TRABD2B: variants seen among roughly 807,000 people sequenced by gnomAD.
TRABD2B encodes metalloprotease TIKI2.
Under a neutral mutation model 40.1 loss-of-function variants are expected in TRABD2B, and 14 were observed. The ratio of observed to expected loss-of-function variants is 0.35; its 90% CI spans 0.23 to 0.55. The LOEUF (loss-of-function observed/expected upper bound fraction) is 0.55, where lower values mean the gene tolerates loss of function less well. Ranked by LOEUF, TRABD2B falls within the 20% of genes least tolerant of loss-of-function variation. The pLI, the probability that TRABD2B is intolerant of heterozygous loss-of-function variation, is 0.90. For synonymous variants in TRABD2B, 263 were observed against 277.0 expected, an observed-to-expected ratio of 0.95 and a Z score of 0.50; for missense variants, 541 against 648.6, an observed-to-expected ratio of 0.83 and a Z score of 1.80.
intron 2 of TRABD2B, among the ~76,000 whole-genome samples, chr1:47,989,757 C>T (rs1557698822): frequency 6.6e-6 from 1 of 151,594 alleles, no homozygotes; most frequent in African/African-American, 2.4e-5. Flanking sequence ...CCAACACACA[C>T]ACACACACAC....
chr1:47,979,036 G>A lies in TRABD2B; in HGVS notation c.666+14998C>T, dbSNP rs184574742. Among the ~76,000 whole-genome samples the A allele has an allele frequency of 1.2e-3, 182 of 152,136 alleles. 1 individual carries two copies. The highest frequency in any genetic ancestry group is 4.0e-3 in the African/African-American group (166 of 41,502). ...GGAGGATCAGGGGGATGCTACAGCC[G>A]CACCAGGAGTCGGTCAGAGCACGAG... is the stretch of plus-strand genomic sequence containing the variant. On this transcript the variant is annotated intron_variant, in intron 2 of 6. Coordinates refer to ENST00000606738, the MANE Select transcript of TRABD2B (RefSeq NM_001194986.2).
chr1:47,796,207 G>C (rs1287440938), intron 3 of TRABD2B, among the ~76,000 whole-genome samples: 1 of 152,130 alleles, frequency 6.6e-6, no homozygotes, highest in South Asian at 2.1e-4. Context: ...ATTGAGGCAG[G>C]GAATCAGAAT....
intron 2 of TRABD2B, among the ~76,000 whole-genome samples, chr1:47,914,592 CA>C (rs1232688200): frequency 1.3e-5 from 2 of 152,234 alleles, no homozygotes; most frequent in Non-Finnish European, 2.9e-5. Context: ...TGCTGGTACA[CA>C]AGGAGTGGCT....
intron 2 of TRABD2B, among the ~76,000 whole-genome samples, chr1:47,850,880 T>C (rs947080932): frequency 1.1e-4 from 17 of 152,222 alleles, no homozygotes; most frequent in African/African-American, 4.1e-4. Flanking sequence ...ATTAAATTGT[T>C]CCACTTCAGA....
At chr1:47,858,464 G>T (rs1162092096) in intron 2 of TRABD2B, among the ~76,000 whole-genome samples, 2 of 152,032 alleles carry the variant, frequency 1.3e-5, no homozygotes, top group Non-Finnish European at 2.9e-5. Flanking sequence ...TTGCTATGTT[G>T]CCCAGGCTGA....
intron 2 of TRABD2B, among the ~76,000 whole-genome samples, chr1:47,954,629 G>GT (rs1436326073): frequency 6.6e-6 from 1 of 152,188 alleles, no homozygotes; most frequent in Non-Finnish European, 1.5e-5. Flanking sequence ...AGGTCGTGGG[G>GT]TTGAGCTATG....
chr1:47,823,104 G>A (rs1645132119), intron 2 of TRABD2B, among the ~76,000 whole-genome samples: 2 of 152,276 alleles, frequency 1.3e-5, no homozygotes, highest in Non-Finnish European at 2.9e-5. Context: ...ATCCATCTGT[G>A]TGATAGGGTC....
At chr1:47,839,334 G>A (rs1645363090) in intron 2 of TRABD2B, among the ~76,000 whole-genome samples, 3 of 152,076 alleles carry the variant, frequency 2.0e-5, no homozygotes, top group African/African-American at 7.2e-5. Context: ...CACTGCAAGT[G>A]CTAGGAGCCT....
At chr1:47,810,738 G>A (rs960083596) in intron 2 of TRABD2B, among the ~76,000 whole-genome samples, 5 of 152,214 alleles carry the variant, frequency 3.3e-5, no homozygotes, top group Non-Finnish European at 1.5e-5. Context: ...GCTGCAGGGG[G>A]AAGCTTACCT....
Position 47,996,608 on chromosome 1 carries a change from G to A in TRABD2B, c.102+80C>T. 1 of 1,197,184 alleles carries A rather than the reference G, an allele frequency of 8.4e-7. No homozygotes were observed. Among genetic ancestry groups the A allele is most frequent in the Non-Finnish European group, 1.0e-6 (1 of 963,850 alleles). 74.2% of individuals were successfully genotyped at this position (1,197,184 alleles called of 1,614,324 possible). ...GAGCGGGCGGGCTAAGGTGGGTGCGGAAGCAGGACCCAAACCATGGTCCCA... is the reference window on the plus strand; with the variant it reads ...GAGCGGGCGGGCTAAGGTGGGTGCGAAAGCAGGACCCAAACCATGGTCCCA... On this transcript the variant is annotated intron_variant, in intron 1 of 6. Coordinates refer to ENST00000606738, the MANE Select transcript of TRABD2B (RefSeq NM_001194986.2). The surrounding 1 kb of genome is among the most constrained non-coding windows in gnomAD (Gnocchi z 4.6).
chr1:47,963,996 G>A (rs763593334), intron 2 of TRABD2B, among the ~76,000 whole-genome samples: 6 of 152,200 alleles, frequency 3.9e-5, no homozygotes, highest in Non-Finnish European at 7.3e-5. Context: ...TGGTCACCGT[G>A]AGGCTACCAT....
chr1:47,796,891 C>G (rs921832368), intron 3 of TRABD2B, among the ~76,000 whole-genome samples: 2 of 152,192 alleles, frequency 1.3e-5, no homozygotes, highest in African/African-American at 2.4e-5. Context: ...GGGAGAAGCA[C>G]AGAAAGCCCA....
rs781534122 is a variant in TRABD2B, at chr1:47,813,971, C to CT, written c.667-12353_667-12352insA. On this transcript the variant is annotated intron_variant, in intron 2 of 6. Transcript: ENST00000606738. The surrounding 1 kb of genome is among the most constrained non-coding windows in gnomAD (Gnocchi z 4.3). ...ACTTGCGACAAGATCAAGTAACATT[C>CT]ATTAAGGCTGGGGCTAAGGGATGGA... Among the ~76,000 whole-genome samples the CT allele has an allele frequency of 1.3e-5, 2 of 152,218 alleles. No homozygotes were observed. The highest frequency in any genetic ancestry group is 2.9e-5 in the Non-Finnish European group (2 of 68,050).
chr1:47,835,074 TAATA>T (rs1645300706), intron 2 of TRABD2B, among the ~76,000 whole-genome samples: 1 of 152,140 alleles, frequency 6.6e-6, no homozygotes, highest in Non-Finnish European at 1.5e-5. Flanking sequence ...TATAGAATAG[TAATA>T]AATAAACAGA....
In TRABD2B at chr1:47,791,250, G is replaced by C. The variant is rs975853481; in HGVS notation, c.988+3336C>G. ...GCCCCATCCAGACTCCAGAACCACA[G>C]AGCTTTCAGGAACTTCAGCTGGACA... On this transcript the variant is annotated intron_variant, in intron 4 of 6. Coordinates refer to ENST00000606738, the MANE Select transcript of TRABD2B (RefSeq NM_001194986.2). Among the ~76,000 whole-genome samples, 5 of 152,322 alleles carry C rather than the reference G, an allele frequency of 3.3e-5. No homozygotes were observed. The South Asian group carries it at 6.2e-4, about 19-fold the overall frequency.
At chr1:47,776,628 A>G (rs1644450946) in intron 5 of TRABD2B, among the ~76,000 whole-genome samples, 3 of 152,152 alleles carry the variant, frequency 2.0e-5, no homozygotes, top group Admixed American at 6.5e-5. Context: ...TGGCCACAAT[A>G]GAATTTGTTT....
At chr1:47,909,836 C>CT (rs1644737804) in intron 2 of TRABD2B, among the ~76,000 whole-genome samples, 1 of 109,560 alleles carries the variant, frequency 9.1e-6, no homozygotes, top group East Asian at 2.9e-4. Context: ...TTCTTGCTTT[C>CT]TTTCTTTCTT....
At chr1:47,876,510 T>C (rs1413340983) in intron 2 of TRABD2B, among the ~76,000 whole-genome samples, 4 of 152,160 alleles carry the variant, frequency 2.6e-5, no homozygotes. Context: ...ACAGACTAAG[T>C]ACCTACAAGT....
intron 2 of TRABD2B, among the ~76,000 whole-genome samples, chr1:47,953,179 C>G (rs1645370745): frequency 6.6e-6 from 1 of 152,190 alleles, no homozygotes; most frequent in African/African-American, 2.4e-5. Context: ...GGGCCGAGAG[C>G]ACCAGGCATG....
Sources: gnomAD v4.1 joint callset for allele counts (sites outside exome capture counted in the v4.1 genomes callset) on GRCh38, gnomAD v4.1.1 for gene constraint, Gnocchi (gnomAD v3.1) non-coding constraint, MANE v1.5 for transcripts, NCBI Gene and HGNC (gene_info 2026-07-23, HGNC 2026-07-21) for gene names.